Variants in CSMD3 observed in about 807,000 individuals in gnomAD.
The protein encoded by CSMD3 is CUB and Sushi multiple domains 3, also known as CUB and sushi domain-containing protein 3.
CSMD3 carries 177 observed loss-of-function variants against 435.2 expected under a neutral mutation model. That is an observed-to-expected ratio of 0.41 (90% confidence interval 0.36 to 0.46). The LOEUF (loss-of-function observed/expected upper bound fraction) is 0.46, where lower values mean the gene tolerates loss of function less well. Among genes scored for constraint, CSMD3 ranks in the 20% least tolerant of loss-of-function variants. The pLI is 0.34. For synonymous variants in CSMD3, 1,656 were observed against 1,520.5 expected (o/e 1.09, Z -2.07); for missense variants, 4,265 against 4,504.6 (o/e 0.95, Z 1.52).
At chr8:112,350,897 T>G (rs1402568752) in intron 40 of CSMD3, among the ~76,000 whole-genome samples, 2 of 152,096 alleles carry the variant, frequency 1.3e-5, no homozygotes, top group African/African-American at 2.4e-5. Flanking sequence ...TCTAAGAATT[T>G]TTTTAAGTCT....
chr8:112,840,030 T>C (rs1026639465), intron 11 of CSMD3, among the ~76,000 whole-genome samples: 5 of 151,694 alleles, frequency 3.3e-5, no homozygotes, highest in African/African-American at 1.2e-4. Context: ...AGTGAATCTT[T>C]ATCAGTTTAT....
chr8:113,230,645 T>A (rs2093075266), intron 3 of CSMD3, among the ~76,000 whole-genome samples: 1 of 151,754 alleles, frequency 6.6e-6, no homozygotes, highest in African/African-American at 2.4e-5. Flanking sequence ...TTTATTTAAA[T>A]GTTTAACATT....
At chr8:112,526,541 A>G (rs1301512803) in intron 27 of CSMD3, among the ~76,000 whole-genome samples, 1 of 152,006 alleles carries the variant, frequency 6.6e-6, no homozygotes, top group Non-Finnish European at 1.5e-5. Context: ...TATTGGTTGC[A>G]ATTATGAATT....
At chr8:112,806,073 T>TAA (rs879697437) in intron 12 of CSMD3, among the ~76,000 whole-genome samples, 1 of 146,630 alleles carries the variant, frequency 6.8e-6, no homozygotes, top group Non-Finnish European at 1.5e-5. Flanking sequence ...ATGTAGGCCT[T>TAA]AAAAAAAAAA....
chr8:112,237,203 C>T lies in CSMD3; in HGVS notation c.10614G>A (p.Glu3538=), dbSNP rs2129988523. 6.2e-7 allele frequency: 1 copy of T among 1,613,552 alleles called. No homozygotes were observed. The highest frequency in any genetic ancestry group is 1.1e-5 in the South Asian group (1 of 91,082). Residue 3538 remains glutamate (E), a synonymous_variant, in exon 67 of 71, where the codon GAG becomes GAA. Coordinates refer to ENST00000297405, the MANE Select transcript of CSMD3 (RefSeq NM_198123.2). The part of the protein sequence containing the change: ...VNATLSNSNM[E]LLLSGVYKSQ... Reference sequence around the variant, plus strand: ...TTATTGCGATACCTGAAAGTAGCAGCTCCATGTTGCTATTGCTCAGTGTTG... The same window carrying T: ...TTATTGCGATACCTGAAAGTAGCAGTTCCATGTTGCTATTGCTCAGTGTTG...
chr8:113,333,372 AT>A (rs796504088), intron 1 of CSMD3, among the ~76,000 whole-genome samples: 1 of 151,658 alleles, frequency 6.6e-6, no homozygotes, highest in Non-Finnish European at 1.5e-5. Context: ...GATTTTAAAC[AT>A]TTTTTGTATC....
At chr8:113,424,012 G>T (rs2094622216) in intron 1 of CSMD3, among the ~76,000 whole-genome samples, 1 of 151,662 alleles carries the variant, frequency 6.6e-6, no homozygotes, top group Non-Finnish European at 1.5e-5. Context: ...CATTAAATCT[G>T]GTTTCTTACA....
At chr8:112,716,090 G>A (rs757520606) in intron 13 of CSMD3, among the ~76,000 whole-genome samples, 2 of 152,124 alleles carry the variant, frequency 1.3e-5, no homozygotes, top group Non-Finnish European at 2.9e-5. Flanking sequence ...TCAGGCAAGA[G>A]AAAGAAATAA....
intron 22 of CSMD3, among the ~76,000 whole-genome samples, chr8:112,629,141 A>G (rs1198629349): frequency 6.6e-6 from 1 of 152,144 alleles, no homozygotes; most frequent in East Asian, 1.9e-4. Flanking sequence ...CAACAGATTA[A>G]AAAGCAAAGG....
chr8:112,598,624 C>T (rs1275431017), intron 22 of CSMD3, among the ~76,000 whole-genome samples: 1 of 150,144 alleles, frequency 6.7e-6, no homozygotes, highest in Non-Finnish European at 1.5e-5. Context: ...AACTATACTA[C>T]AAGGCTACAG....
At chr8:112,558,672 C>T (rs910046645) in intron 24 of CSMD3, among the ~76,000 whole-genome samples, 9 of 151,760 alleles carry the variant, frequency 5.9e-5, no homozygotes, top group Non-Finnish European at 1.0e-4. Context: ...GATAATTGGT[C>T]GGTGCGAGGA....
intron 5 of CSMD3, among the ~76,000 whole-genome samples, chr8:113,079,617 T>C (rs1389147459): frequency 6.6e-6 from 1 of 152,242 alleles, no homozygotes; most frequent in Non-Finnish European, 1.5e-5. Flanking sequence ...AGTCTTCTTG[T>C]AGAAACTTAG....
chr8:112,704,643 G>T (rs1472172767), intron 13 of CSMD3, among the ~76,000 whole-genome samples: 2 of 151,650 alleles, frequency 1.3e-5, no homozygotes, highest in African/African-American at 4.8e-5. Context: ...AATAATTGTA[G>T]CTCCATCCTC....
At chr8:112,612,160 A>G (rs554113459) in intron 22 of CSMD3, among the ~76,000 whole-genome samples, 7 of 152,320 alleles carry the variant, frequency 4.6e-5, no homozygotes, top group East Asian at 1.9e-4. Context: ...AAACAATTCT[A>G]TAATGCCTTT....
chr8:112,828,910 G>C (rs1306880761), intron 12 of CSMD3, among the ~76,000 whole-genome samples: 1 of 152,012 alleles, frequency 6.6e-6, no homozygotes, highest in Non-Finnish European at 1.5e-5. Flanking sequence ...AGTAATATTG[G>C]AGCCCACAAC....
intron 1 of CSMD3, chr8:113,377,098 C>A: frequency 7.8e-7 from 1 of 1,281,992 alleles, no homozygotes; most frequent in East Asian, 4.4e-5. Context: ...GCTGGACTCC[C>A]CCAAGGGCTG....
intron 17 of CSMD3, among the ~76,000 whole-genome samples, chr8:112,665,544 A>G (rs1467401611): frequency 6.6e-6 from 1 of 152,052 alleles, no homozygotes; most frequent in African/African-American, 2.4e-5. Flanking sequence ...CTGTACTTAT[A>G]TGTTTTTCAT....
At chr8:113,223,236 A>G (rs554778434) in intron 3 of CSMD3, among the ~76,000 whole-genome samples, 1 of 150,662 alleles carries the variant, frequency 6.6e-6, no homozygotes, top group African/African-American at 2.4e-5. Context: ...TGCTTTTTTA[A>G]AGCAAGTCAG....
At chr8:112,919,615 A>G (rs550167568) in intron 10 of CSMD3, among the ~76,000 whole-genome samples, 1 of 151,794 alleles carries the variant, frequency 6.6e-6, no homozygotes, top group Admixed American at 6.6e-5. Flanking sequence ...GCACATATCT[A>G]ATTTATGTGA....
Sources: gnomAD v4.1 joint callset for allele counts (sites outside exome capture counted in the v4.1 genomes callset) on GRCh38, gnomAD v4.1.1 for gene constraint, MANE v1.5 for transcripts, NCBI Gene and HGNC (gene_info 2026-07-23, HGNC 2026-07-21) for gene names.